Variants in ATIC observed in about 807,000 individuals in gnomAD.
The protein encoded by ATIC is bifunctional purine biosynthesis protein ATIC.
ATIC carries 64 observed loss-of-function variants against 72.5 expected under a neutral mutation model. The observed-to-expected ratio is 0.88, with a 90% CI of 0.72 to 1.09. The LOEUF is 1.09. ATIC is among the 50% of genes least tolerant of loss of function. The pLI is 0.00. For missense variants in ATIC, 787 were observed against 732.4 expected (o/e 1.07, Z -0.86); for synonymous variants, 281 against 267.1 (o/e 1.05, Z -0.51).
chr2:215,331,322 G>T (rs13005416), intron 7 of ATIC, among the ~76,000 whole-genome samples: 72,813 of 150,510 alleles, frequency 0.48, 18,903 homozygotes, highest in East Asian at 0.78. Context: ...ATTTGGCAAG[G>T]TCTTTAAAAA....
rs192207370 is a variant in ATIC, at chr2:215,346,345, T to C, written c.1321-414T>C. On this transcript the variant is annotated intron_variant, in intron 13 of 15. Transcript: ENST00000236959. ...CCTAGCTATTTTTTAATTCTTATTT[T>C]TTGTAGAGATGAGATGTTGCCATCT... Among the ~76,000 whole-genome samples the C allele has an allele frequency of 2.0e-5, 3 of 152,226 alleles. No individual in the cohort carries two copies. In the East Asian group the frequency reaches 5.8e-4, roughly 29 times the overall value.
chr2:215,332,825 T>C (rs1346706803), intron 8 of ATIC, among the ~76,000 whole-genome samples: 2 of 152,202 alleles, frequency 1.3e-5, no homozygotes, highest in African/African-American at 4.8e-5. Context: ...GGAGTAAACA[T>C]AAAGAAGTTC....
intron 3 of ATIC, 21 bp from the exon 4 acceptor site, chr2:215,319,644 T>G (rs768932280): frequency 3.2e-6 from 5 of 1,569,388 alleles, no homozygotes; most frequent in African/African-American, 1.4e-5. Context: ...CTAATGACTT[T>G]GTTTAACTTT....
intron 2 of ATIC, among the ~76,000 whole-genome samples, chr2:215,317,462 CACTT>C (rs1559266200): frequency 6.6e-6 from 1 of 151,896 alleles, no homozygotes. Flanking sequence ...TGTCTTCACT[CACTT>C]GATATGCCAT....
chr2:215,312,315 T>G (rs1575110779), intron 1 of ATIC, 154 bp downstream of exon 1: 1 of 1,452,486 alleles, frequency 6.9e-7, no homozygotes, highest in East Asian at 2.4e-5. Flanking sequence ...GCAGCCTGCG[T>G]GGGGCCCGCC....
chr2:215,321,692 C>T (rs954887375), intron 4 of ATIC, among the ~76,000 whole-genome samples: 5 of 152,214 alleles, frequency 3.3e-5, no homozygotes, highest in African/African-American at 7.2e-5. Flanking sequence ...GAAGTGGCAT[C>T]TCATTGTGGT....
rs762265900 is a variant in ATIC, at chr2:215,312,558, T to G, written c.80T>G (p.Leu27Arg). 6.2e-7 allele frequency: 1 copy of G among 1,614,222 alleles called. No individual in the cohort carries two copies. Among genetic ancestry groups the G allele is most frequent in the Admixed American group, 1.7e-5 (1 of 60,026 alleles). The change falls in exon 2 of 16, where the codon CTT (leucine) becomes CGT (arginine). Residue 27 changes from leucine (L) to arginine (R), a missense_variant. Coordinates refer to ENST00000236959, the MANE Select transcript of ATIC (RefSeq NM_004044.7). ...GAATTTGCAAGAAACCTGACCGCTC[T>G]TGGTTTGAATCTGGTCGCTTCCGGA... ...LVEFARNLTA[L>R]GLNLVASGGT...
At chr2:215,343,291 G>A (rs577626566) in intron 12 of ATIC, among the ~76,000 whole-genome samples, 1 of 152,076 alleles carries the variant, frequency 6.6e-6, no homozygotes, top group East Asian at 1.9e-4. Flanking sequence ...TGGTGAAAAT[G>A]TCTGTCTTTT....
At chr2:215,321,515 G>A (rs1237263351) in intron 4 of ATIC, among the ~76,000 whole-genome samples, 2 of 152,150 alleles carry the variant, frequency 1.3e-5, no homozygotes, top group Non-Finnish European at 2.9e-5. Context: ...GAATTCCTTG[G>A]TCATATGGTA....
At chr2:215,337,123 G>C (rs780384219) in intron 11 of ATIC, among the ~76,000 whole-genome samples, 19 of 143,718 alleles carry the variant, frequency 1.3e-4, no homozygotes, top group Non-Finnish European at 2.1e-4. Flanking sequence ...GAGCTCTTCT[G>C]TATTGGGAAA....
intron 6 of ATIC, 37 bp from the exon 7 acceptor site, chr2:215,326,785 T>C (rs748519138): frequency 2.5e-6 from 4 of 1,612,924 alleles, no homozygotes; most frequent in Non-Finnish European, 1.7e-6. Flanking sequence ...CTTTGGAAAG[T>C]GCTGCTCGTG....
chr2:215,354,814 C>A, the ATIC span, among the ~76,000 whole-genome samples: 1 of 151,264 alleles, frequency 6.6e-6, no homozygotes, highest in African/African-American at 2.4e-5. Flanking sequence ...TCTCTTTACT[C>A]AAGTGTTGTG....
At chr2:215,344,900 G>T (rs746822234) in intron 13 of ATIC, 29 bp downstream of exon 13, 2 of 1,594,552 alleles carry the variant, frequency 1.3e-6, no homozygotes, top group South Asian at 1.1e-5. Flanking sequence ...TCGCCTTCGG[G>T]GGACTGTTGT....
downstream of ATIC, among the ~76,000 whole-genome samples, chr2:215,352,772 T>TC (rs74668523): frequency 0.85 from 129,798 of 151,924 alleles, 56,394 homozygotes; most frequent in East Asian, 1. Flanking sequence ...GCCTGGTACA[T>TC]CATTGCATTT....
In ATIC at chr2:215,346,863, G is replaced by A. The variant is rs779889028; in HGVS notation, c.1425G>A (p.Ser475=). The A allele has an allele frequency of 1.2e-5, 20 of 1,614,046 alleles. No individual in the cohort carries two copies. Among genetic ancestry groups the A allele is most frequent in the Non-Finnish European group, 1.6e-5 (19 of 1,180,044 alleles). ...TTAGACACCATCCACAAGTGCTTTC[G>A]ATGAAGTTTAAAACAGGAGTGAAGA... ...WWLRHHPQVL[S]MKFKTGVKRA... is the part of the protein sequence containing the mutation. The change falls in exon 14 of 16, where the codon TCG becomes TCA. Residue 475 remains serine, a synonymous_variant. Coordinates refer to ENST00000236959, the MANE Select transcript of ATIC (RefSeq NM_004044.7).
In ATIC at chr2:215,316,204, G is replaced by T. The variant is rs182379300; in HGVS notation, c.147-1953G>T. On this transcript the variant is annotated intron_variant, in intron 2 of 15. Coordinates refer to ENST00000236959, the MANE Select transcript of ATIC (RefSeq NM_004044.7). ...TAATTACCCCAAATGTTTAATTCTA[G>T]AAATAAATCCGCCTTCTCTAAGTTT... Among the ~76,000 whole-genome samples the T allele has an allele frequency of 2.6e-5, 4 of 152,162 alleles. No homozygotes were observed. The East Asian group carries it at 7.7e-4, about 29-fold the overall frequency.
At chr2:215,348,109 A>G (rs1395007425) in intron 14 of ATIC, among the ~76,000 whole-genome samples, 1 of 152,192 alleles carries the variant, frequency 6.6e-6, no homozygotes, top group Non-Finnish European at 1.5e-5. Flanking sequence ...CCCCACCCTC[A>G]TTGCCCAATA....
the ATIC span, chr2:215,361,951 T>G: frequency 6.2e-7 from 1 of 1,611,922 alleles, no homozygotes; most frequent in Non-Finnish European, 8.5e-7. Flanking sequence ...AACACACTTG[T>G]GCTGCTAATG....
chr2:215,349,444 T>A, intron 15 of ATIC, 92 bp from the exon 16 acceptor site: 1 of 1,604,406 alleles, frequency 6.2e-7, no homozygotes, highest in Non-Finnish European at 8.5e-7. Flanking sequence ...ACTGAGTGTA[T>A]CTTTGTTAGC....
Sources: gnomAD v4.1 joint callset for allele counts (sites outside exome capture counted in the v4.1 genomes callset) on GRCh38, gnomAD v4.1.1 for gene constraint, MANE v1.5 for transcripts, NCBI Gene and HGNC (gene_info 2026-07-23, HGNC 2026-07-21) for gene names.